PREX1: variants seen among roughly 807,000 people sequenced by gnomAD.
PREX1 encodes the protein phosphatidylinositol 3,4,5-trisphosphate-dependent Rac exchanger 1 protein.
A neutral mutation model predicts 198.3 loss-of-function variants in PREX1; 41 were observed. That is an observed-to-expected ratio of 0.21 (90% confidence interval 0.16 to 0.27). The LOEUF (loss-of-function observed/expected upper bound fraction) is 0.27. PREX1 is among the 10% of genes least tolerant of loss of function. The probability of loss-of-function intolerance (pLI) is 1.00; values close to 1 mark genes in which losing one functional copy is unlikely to be tolerated. For missense variants in PREX1, 1,620 were observed against 2,200.7 expected, an observed-to-expected ratio of 0.74 and a Z score of 5.28; for synonymous variants, 843 against 887.2, an observed-to-expected ratio of 0.95 and a Z score of 0.89.
At chr20:48,879,009 G>A in the PREX1 span, among the ~76,000 whole-genome samples, 1 of 152,206 alleles carries the variant, frequency 6.6e-6, no homozygotes, top group African/African-American at 2.4e-5. Context: ...AGCAGGAAGA[G>A]GAAAACTGAG....
chr20:48,691,096 G>A lies in PREX1; in HGVS notation c.1037C>T (p.Ala346Val), dbSNP rs754857830. The A allele has an allele frequency of 3.1e-6, 5 of 1,614,050 alleles. No homozygotes were observed. The highest frequency in any genetic ancestry group is 1.1e-5 in the South Asian group (1 of 91,088). Residue 346 changes from alanine (A) to valine (V), a missense_variant and splice_region_variant, in exon 9 of 40, where the codon GCG (alanine) becomes GTG (valine). By Grantham distance (64) the Ala-to-Val change is moderately conservative. Transcript: ENST00000371941. This position sits in a 1 kb window ranked among gnomAD's most constrained non-coding sequence, Gnocchi z 5.0. The stretch of plus-strand genomic sequence containing the variant: ...GGTATAGCCGTTGCTATGGTAATCC[G>A]CTGGTGGGGGCAGGAGGCAAAGGTG... Reference protein sequence around the residue: ...MEVENVEDGTADYHSNGYTVT... With the variant: ...MEVENVEDGTVDYHSNGYTVT...
intron 24 of PREX1, 57 bp downstream of exon 24, chr20:48,649,939 T>C: frequency 6.3e-7 from 1 of 1,586,670 alleles, no homozygotes; most frequent in Non-Finnish European, 8.6e-7. Flanking sequence ...CAAGTTTTGG[T>C]TTAAGTATCT....
chr20:48,746,770 A>T (rs970024426), intron 2 of PREX1, among the ~76,000 whole-genome samples: 4 of 152,140 alleles, frequency 2.6e-5, no homozygotes, highest in Non-Finnish European at 4.4e-5. Flanking sequence ...AAAAAAAGGT[A>T]ATTTTTTATA....
At chr20:48,695,655 T>A (rs2089841742) in intron 7 of PREX1, among the ~76,000 whole-genome samples, 1 of 152,258 alleles carries the variant, frequency 6.6e-6, no homozygotes, top group African/African-American at 2.4e-5. Context: ...TGTAGTTCCC[T>A]GATGAGTAAA....
At chr20:48,887,517 G>T in the PREX1 span, among the ~76,000 whole-genome samples, 3 of 152,210 alleles carry the variant, frequency 2.0e-5, no homozygotes, top group Middle Eastern at 3.2e-3. Context: ...CTACTTGGGA[G>T]ACTGAGGCTG....
intron 36 of PREX1, 75 bp from the exon 37 acceptor site, chr20:48,629,696 TC>T: frequency 6.8e-7 from 1 of 1,464,786 alleles, no homozygotes; most frequent in Non-Finnish European, 9.4e-7. Flanking sequence ...CTGGCCCTCC[TC>T]CCCCACCATA....
At chr20:48,809,019 T>C (rs2090423656) in intron 1 of PREX1, among the ~76,000 whole-genome samples, 1 of 152,198 alleles carries the variant, frequency 6.6e-6, no homozygotes, top group Admixed American at 6.5e-5. Flanking sequence ...TCTGAGCCTC[T>C]GCTTCCTCAT....
At chr20:48,805,503 G>T (rs2090407918) in intron 1 of PREX1, among the ~76,000 whole-genome samples, 1 of 152,222 alleles carries the variant, frequency 6.6e-6, no homozygotes, top group South Asian at 2.1e-4. Flanking sequence ...ACACGGGGAG[G>T]GGCTGAGAAT....
chr20:48,739,804 C>G (rs979183565), intron 3 of PREX1, among the ~76,000 whole-genome samples: 2 of 152,320 alleles, frequency 1.3e-5, no homozygotes, highest in Admixed American at 6.5e-5. Flanking sequence ...CTGATGCTTC[C>G]TAGCTCTGTA....
At chr20:48,711,740 G>C (rs1260073444) in intron 5 of PREX1, among the ~76,000 whole-genome samples, 1 of 152,208 alleles carries the variant, frequency 6.6e-6, no homozygotes, top group Non-Finnish European at 1.5e-5. Context: ...CTGGCCCTTT[G>C]TTAAAAGCAA....
chr20:48,653,726 C>T (rs112943498), intron 19 of PREX1, among the ~76,000 whole-genome samples: 9 of 152,316 alleles, frequency 5.9e-5, no homozygotes, highest in South Asian at 2.1e-4. Context: ...CCCAAGGTCA[C>T]GCAGCAAGGC....
intron 21 of PREX1, among the ~76,000 whole-genome samples, 163 bp downstream of exon 21, chr20:48,652,423 G>C (rs971851315): frequency 2.0e-5 from 3 of 151,788 alleles, no homozygotes; most frequent in African/African-American, 7.3e-5. Flanking sequence ...CTGGGTGACA[G>C]AGCCAGAACC....
intron 5 of PREX1, among the ~76,000 whole-genome samples, chr20:48,721,801 G>C (rs1383192585): frequency 3.9e-5 from 6 of 152,166 alleles, no homozygotes; most frequent in African/African-American, 1.4e-4. Context: ...GGAAGTGAAG[G>C]CATTCGGAAA....
chr20:48,646,319 C>T (rs1182249737), intron 25 of PREX1, among the ~76,000 whole-genome samples: 1 of 152,204 alleles, frequency 6.6e-6, no homozygotes, highest in Non-Finnish European at 1.5e-5. Flanking sequence ...CCTGCTGTTG[C>T]AGTGGGAAAG....
At chr20:48,635,220 A>G (rs1016554316) in intron 32 of PREX1, among the ~76,000 whole-genome samples, 1 of 152,028 alleles carries the variant, frequency 6.6e-6, no homozygotes, top group Admixed American at 6.5e-5. Context: ...GGCCTGGTCC[A>G]TCACCAAGTC....
chr20:48,743,281 A>G (rs1340686853), intron 3 of PREX1, among the ~76,000 whole-genome samples: 1 of 152,200 alleles, frequency 6.6e-6, no homozygotes, highest in Non-Finnish European at 1.5e-5. Flanking sequence ...CTGAACCCAA[A>G]GGAAAGACTG....
the PREX1 span, among the ~76,000 whole-genome samples, chr20:48,867,871 T>C: frequency 7.5e-5 from 10 of 133,784 alleles, no homozygotes; most frequent in African/African-American, 2.9e-4. Flanking sequence ...CATCTTAACC[T>C]TTTTTTTTTT....
At chr20:48,841,334 G>A in the PREX1 span, among the ~76,000 whole-genome samples, 3 of 152,298 alleles carry the variant, frequency 2.0e-5, no homozygotes, top group East Asian at 1.9e-4. Context: ...TCAGCTTCTC[G>A]ATTCTGCTGT....
intron 5 of PREX1, among the ~76,000 whole-genome samples, chr20:48,721,276 C>T (rs182805786): frequency 3.3e-5 from 5 of 152,236 alleles, no homozygotes; most frequent in East Asian, 3.9e-4. Flanking sequence ...GGACACCAAG[C>T]GTCCCAGGAC....
Sources: gnomAD v4.1 joint callset for allele counts (sites outside exome capture counted in the v4.1 genomes callset) on GRCh38, gnomAD v4.1.1 for gene constraint, Gnocchi (gnomAD v3.1) non-coding constraint, MANE v1.5 for transcripts, NCBI Gene and HGNC (gene_info 2026-07-23, HGNC 2026-07-21) for gene names.